The following TRAK1 variants were observed in gnomAD, a reference collection of about 807,000 sequenced individuals.
TRAK1 encodes the protein trafficking kinesin-binding protein 1.
Under a neutral mutation model 92.1 loss-of-function variants are expected in TRAK1, and 33 were observed. The observed-to-expected ratio is 0.36, with a 90% confidence interval of 0.27 to 0.48. The LOEUF is 0.48. TRAK1 is among the 20% of genes least tolerant of loss of function. The pLI is 0.99. For missense variants in TRAK1, 1,123 were observed against 1,257.9 expected (o/e 0.89, Z 1.62); for synonymous variants, 521 against 517.3 (o/e 1.01, Z -0.10).
intron 1 of TRAK1, among the ~76,000 whole-genome samples, chr3:42,123,828 T>A (rs1710226411): frequency 6.6e-6 from 1 of 152,292 alleles, no homozygotes; most frequent in South Asian, 2.1e-4. Context: ...AAGCGAGAAC[T>A]TGGTACTGTG....
At chr3:42,069,355 G>A (rs1490033783) in intron 1 of TRAK1, among the ~76,000 whole-genome samples, 2 of 151,096 alleles carry the variant, frequency 1.3e-5, no homozygotes, top group Admixed American at 1.3e-4. Context: ...TTATGGGTGG[G>A]TCGGATGGTG....
At chr3:42,111,887 T>C (rs1708451056) in intron 1 of TRAK1, among the ~76,000 whole-genome samples, 1 of 151,770 alleles carries the variant, frequency 6.6e-6, no homozygotes, top group Non-Finnish European at 1.5e-5. Context: ...CCAACACTTG[T>C]TTTGAAAGAT....
intron 13 of TRAK1, among the ~76,000 whole-genome samples, chr3:42,207,999 C>T (rs1708527567): frequency 6.6e-6 from 1 of 152,176 alleles, no homozygotes; most frequent in Non-Finnish European, 1.5e-5. Context: ...TCGTCCACAG[C>T]TGTGACAACC....
chr3:42,141,776 C>T (rs1698683911), intron 2 of TRAK1, among the ~76,000 whole-genome samples: 1 of 152,182 alleles, frequency 6.6e-6, no homozygotes, highest in Admixed American at 6.5e-5. Flanking sequence ...CCTCTGAGGA[C>T]ACTTGTCATT....
intron 1 of TRAK1, among the ~76,000 whole-genome samples, chr3:42,109,047 A>G (rs1707980198): frequency 6.6e-6 from 1 of 152,176 alleles, no homozygotes; most frequent in South Asian, 2.1e-4. Flanking sequence ...TTGACCTCCG[A>G]GTTCAGGCTC....
Position 42,168,717 on chromosome 3 carries a change from G to A in TRAK1, c.287-8097G>A, listed in dbSNP as rs575237403. On this transcript the variant is annotated intron_variant, in intron 2 of 15. Transcript: ENST00000327628. Reference sequence around the variant, plus strand: ...GCCTCCTGGGTAGCTAGGACTATAGGCATGCCACCACATCTGGCTAATGTT... The same window carrying A: ...GCCTCCTGGGTAGCTAGGACTATAGACATGCCACCACATCTGGCTAATGTT... 1.2e-4 allele frequency among the ~76,000 whole-genome samples: 18 copies of A among 152,060 alleles called. No individual in the cohort carries two copies. The South Asian group carries it at 2.1e-3, about 18-fold the overall frequency.
chr3:42,170,989 A>G (rs61583518), intron 2 of TRAK1, among the ~76,000 whole-genome samples: 1,924 of 151,474 alleles, frequency 0.013, 45 homozygotes, highest in African/African-American at 0.045. Context: ...ACACCCTGCT[A>G]ATTTTTTTTT....
intron 7 of TRAK1, among the ~76,000 whole-genome samples, chr3:42,191,851 G>T (rs1192791648): frequency 2.1e-5 from 3 of 145,824 alleles, no homozygotes; most frequent in Non-Finnish European, 3.0e-5. Context: ...TATCACTGAG[G>T]TGGATATTTA....
At chr3:42,146,185 A>G (rs111599134) in intron 2 of TRAK1, 22 of 342,354 alleles carry the variant, frequency 6.4e-5, no homozygotes, top group African/African-American at 3.7e-4. Context: ...AAATACCTTC[A>G]GTCTACTCTC....
intron 10 of TRAK1, among the ~76,000 whole-genome samples, chr3:42,195,471 C>A (rs890216067): frequency 2.6e-5 from 4 of 152,138 alleles, no homozygotes; most frequent in African/African-American, 9.7e-5. Context: ...AGAGAAACTC[C>A]CCCAAGTGAG....
chr3:42,156,100 C>G (rs1349223673), intron 2 of TRAK1, among the ~76,000 whole-genome samples: 2 of 152,204 alleles, frequency 1.3e-5, no homozygotes, highest in African/African-American at 2.4e-5. Context: ...TTTCACACCT[C>G]CAGCTCCAGG....
At chr3:42,211,678 G>A (rs1412576071) in intron 14 of TRAK1, 1 of 985,242 alleles carries the variant, frequency 1.0e-6, no homozygotes, top group Non-Finnish European at 1.2e-6. Context: ...TTGTACAGAA[G>A]GACTAAAGCT....
intron 1 of TRAK1, among the ~76,000 whole-genome samples, chr3:42,048,027 G>C (rs1284753581): frequency 1.3e-5 from 2 of 149,912 alleles, no homozygotes; most frequent in African/African-American, 4.9e-5. Flanking sequence ...ATCCAGGTCA[G>C]AAAATAGAAC....
chr3:42,025,343 T>A (rs1335115773), intron 1 of TRAK1, among the ~76,000 whole-genome samples: 1 of 152,188 alleles, frequency 6.6e-6, no homozygotes, highest in East Asian at 1.9e-4. Context: ...AATTCCATTT[T>A]AAAAATAAGT....
At chr3:42,062,281 G>A (rs1283360871) in intron 1 of TRAK1, among the ~76,000 whole-genome samples, 1 of 152,132 alleles carries the variant, frequency 6.6e-6, no homozygotes, top group Non-Finnish European at 1.5e-5. Context: ...CCGTATTAGC[G>A]GAGGTGCAAA....
intron 1 of TRAK1, among the ~76,000 whole-genome samples, chr3:42,113,999 T>C (rs1487103338): frequency 6.6e-6 from 1 of 152,210 alleles, no homozygotes; most frequent in Non-Finnish European, 1.5e-5. Flanking sequence ...TCCCTTTCCC[T>C]TAGCCTCTGC....
rs79789318 is a variant in TRAK1 at position 42,037,510 on chromosome 3, G to A, written c.-519+23393G>A. ...GAGCAGGCATGCAGATGCATAAACTGTCATGGTGTTTACAGTCTGGTACTA... is the reference window on the plus strand; with the variant it reads ...GAGCAGGCATGCAGATGCATAAACTATCATGGTGTTTACAGTCTGGTACTA... On this transcript the variant is annotated intron_variant, in intron 1 of 16. Coordinates refer to the TRAK1 transcript ENST00000487159. 2.5e-3 allele frequency among the ~76,000 whole-genome samples: 378 copies of A among 152,326 alleles called. 1 individual carries two copies. The highest frequency in any genetic ancestry group is 8.1e-3 in the African/African-American group (338 of 41,572).
chr3:42,172,859 A>T (rs567117940), intron 2 of TRAK1, among the ~76,000 whole-genome samples: 6 of 152,218 alleles, frequency 3.9e-5, no homozygotes, highest in African/African-American at 1.4e-4. Context: ...TTAAATTATC[A>T]TAGAGACTGA....
At chr3:42,161,936 A>T (rs1701324175) in intron 2 of TRAK1, among the ~76,000 whole-genome samples, 1 of 152,166 alleles carries the variant, frequency 6.6e-6, no homozygotes, top group Admixed American at 6.5e-5. Context: ...ATTTAGCTGG[A>T]TTAGCTTCCT....
Sources: allele counts gnomAD v4.1 joint callset (sites outside exome capture counted in the v4.1 genomes callset), GRCh38; gene constraint gnomAD v4.1.1; transcripts MANE v1.5; gene names NCBI Gene and HGNC (gene_info 2026-07-23, HGNC 2026-07-21).